SUGCT: variants seen among roughly 807,000 people sequenced by gnomAD.
SUGCT encodes the protein succinyl-CoA:glutarate CoA-transferase.
Under a neutral mutation model 55.0 loss-of-function variants are expected in SUGCT, and 41 were observed. The ratio of observed to expected loss-of-function variants is 0.74; its 90% CI spans 0.58 to 0.97. The LOEUF (loss-of-function observed/expected upper bound fraction) is 0.97. Ranked by LOEUF, SUGCT falls within the 50% of genes least tolerant of loss-of-function variation. The pLI is 0.00. For missense variants in SUGCT, 568 were observed against 547.8 expected (o/e 1.04, Z -0.37); for synonymous variants, 187 against 200.4 (o/e 0.93, Z 0.56).
chr7:40,402,704 A>G (rs949378872), intron 9 of SUGCT, among the ~76,000 whole-genome samples: 5 of 152,136 alleles, frequency 3.3e-5, no homozygotes, highest in Non-Finnish European at 5.9e-5. Context: ...GCTATATTAA[A>G]TGGTTCTGGA....
intron 9 of SUGCT, among the ~76,000 whole-genome samples, chr7:40,325,012 G>A (rs770556885): frequency 1.3e-5 from 2 of 152,166 alleles, no homozygotes; most frequent in Non-Finnish European, 2.9e-5. Context: ...CAACCAAGGA[G>A]TAGAGCAGGA....
At chr7:40,863,726 G>A (rs993315383), downstream of SUGCT, among the ~76,000 whole-genome samples, 3 of 152,090 alleles carry the variant, frequency 2.0e-5, no homozygotes, top group African/African-American at 7.2e-5. Flanking sequence ...CTGTTCATAG[G>A]AGACTCCCTG....
chr7:40,269,490 T>G (rs1282505060), intron 7 of SUGCT, among the ~76,000 whole-genome samples: 1 of 152,036 alleles, frequency 6.6e-6, no homozygotes, highest in Non-Finnish European at 1.5e-5. Flanking sequence ...GTCTGGCTAA[T>G]TTTTGTATTT....
At chr7:41,011,110 A>G in the SUGCT span, among the ~76,000 whole-genome samples, 1 of 152,204 alleles carries the variant, frequency 6.6e-6, no homozygotes, top group African/African-American at 2.4e-5. Context: ...TCCAAGCTCT[A>G]GATTATGACA....
intron 9 of SUGCT, among the ~76,000 whole-genome samples, chr7:40,447,336 G>A (rs1788895063): frequency 6.6e-6 from 1 of 152,172 alleles, no homozygotes; most frequent in African/African-American, 2.4e-5. Context: ...TGAAGGCTCA[G>A]GAGAAGAAAA....
the SUGCT span, among the ~76,000 whole-genome samples, chr7:41,025,374 A>C: frequency 2.0e-5 from 3 of 146,814 alleles, no homozygotes; most frequent in Non-Finnish European, 1.5e-5. Flanking sequence ...TCAATGTATG[A>C]TTTTTTTTTT....
chr7:40,893,646 A>G, the SUGCT span, among the ~76,000 whole-genome samples: 1 of 152,220 alleles, frequency 6.6e-6, no homozygotes, highest in Non-Finnish European at 1.5e-5. Context: ...AAAAATATTC[A>G]CAGAATCAGT....
At chr7:40,173,037 T>C (rs1784750927) in intron 1 of SUGCT, among the ~76,000 whole-genome samples, 1 of 152,196 alleles carries the variant, frequency 6.6e-6, no homozygotes, top group African/African-American at 2.4e-5. Context: ...AGAGCTCCCA[T>C]GATATGGTGG....
chr7:40,154,426 G>C (rs1484089535), intron 1 of SUGCT, among the ~76,000 whole-genome samples: 1 of 152,170 alleles, frequency 6.6e-6, no homozygotes, highest in African/African-American at 2.4e-5. Context: ...TGCTTTTAAA[G>C]ATGCCTAGTG....
At chr7:40,259,553 T>A (rs1178602405) in intron 7 of SUGCT, among the ~76,000 whole-genome samples, 1 of 152,214 alleles carries the variant, frequency 6.6e-6, no homozygotes, top group Non-Finnish European at 1.5e-5. Flanking sequence ...TCAAAATATG[T>A]TGTACACAGT....
chr7:40,292,338 A>G (rs1441445252), intron 8 of SUGCT, among the ~76,000 whole-genome samples: 1 of 152,152 alleles, frequency 6.6e-6, no homozygotes, highest in Non-Finnish European at 1.5e-5. Context: ...TGTATTTTTT[A>G]AAGTTCCAGA....
intron 7 of SUGCT, among the ~76,000 whole-genome samples, chr7:40,266,566 TATCATTG>T (rs1189032548): frequency 6.6e-6 from 1 of 152,194 alleles, no homozygotes; most frequent in Non-Finnish European, 1.5e-5. Flanking sequence ...ACTAAGAAAT[TATCATTG>T]ATAATTTCTT....
chr7:40,510,698 A>G (rs950262974), intron 12 of SUGCT, among the ~76,000 whole-genome samples: 7 of 152,232 alleles, frequency 4.6e-5, no homozygotes, highest in African/African-American at 1.7e-4. Context: ...TTACAAAATT[A>G]TATTAATGGA....
At chr7:40,253,995 C>A (rs957061284) in intron 7 of SUGCT, among the ~76,000 whole-genome samples, 3 of 152,152 alleles carry the variant, frequency 2.0e-5, no homozygotes, top group Non-Finnish European at 4.4e-5. Flanking sequence ...AGACTCAATC[C>A]CAGTGACTGA....
intron 6 of SUGCT, among the ~76,000 whole-genome samples, chr7:40,230,543 G>C (rs566005517): frequency 6.6e-6 from 1 of 152,290 alleles, no homozygotes; most frequent in South Asian, 2.1e-4. Context: ...ATGAGAGGCT[G>C]GATGGATTTG....
At chr7:40,828,900 C>T (rs943628707) in intron 13 of SUGCT, among the ~76,000 whole-genome samples, 10 of 152,070 alleles carry the variant, frequency 6.6e-5, no homozygotes, top group African/African-American at 1.7e-4. Flanking sequence ...ATGACTTTAG[C>T]GGTTTGGGGG....
At chr7:40,721,036 T>C (rs1786302133) in intron 12 of SUGCT, among the ~76,000 whole-genome samples, 1 of 152,214 alleles carries the variant, frequency 6.6e-6, no homozygotes, top group Non-Finnish European at 1.5e-5. Flanking sequence ...TCATGGTAAT[T>C]GGAACTTTTG....
At chr7:40,949,297 G>A in the SUGCT span, among the ~76,000 whole-genome samples, 1 of 152,036 alleles carries the variant, frequency 6.6e-6, no homozygotes, top group African/African-American at 2.4e-5. Flanking sequence ...CTTGTTGATG[G>A]GGTTGTTTGT....
intron 12 of SUGCT, among the ~76,000 whole-genome samples, chr7:40,716,487 T>C (rs148369616): frequency 1.1e-3 from 164 of 152,348 alleles, no homozygotes; most frequent in African/African-American, 3.7e-3. Flanking sequence ...TCAATGGTTA[T>C]CTATTAAATG....
Sources: gnomAD v4.1 joint callset for allele counts (sites outside exome capture counted in the v4.1 genomes callset) on GRCh38, gnomAD v4.1.1 for gene constraint, MANE v1.5 for transcripts, NCBI Gene and HGNC (gene_info 2026-07-23, HGNC 2026-07-21) for gene names.